Variants in SNCAIP observed in about 807,000 individuals in gnomAD.
The protein encoded by SNCAIP is synuclein alpha interacting protein.
A neutral mutation model predicts 86.7 loss-of-function variants in SNCAIP; 43 were observed. The ratio of observed to expected loss-of-function variants is 0.50; its 90% CI spans 0.39 to 0.64. SNCAIP has a LOEUF of 0.64. Among genes scored for constraint, SNCAIP ranks in the 30% least tolerant of loss-of-function variants. The pLI, the probability that SNCAIP is intolerant of heterozygous loss-of-function variation, is 0.00. For missense variants in SNCAIP, 981 were observed against 1,103.1 expected (o/e 0.89, Z 1.57); for synonymous variants, 417 against 427.2 (o/e 0.98, Z 0.29).
chr5:122,324,277 C>T (rs1265884833), intron 1 of SNCAIP, among the ~76,000 whole-genome samples: 1 of 152,146 alleles, frequency 6.6e-6, no homozygotes, highest in Admixed American at 6.5e-5. Flanking sequence ...TACATCCAAG[C>T]TTAGAACAAC....
chr5:122,428,954 T>C (rs1457924061), intron 5 of SNCAIP, among the ~76,000 whole-genome samples: 1 of 152,102 alleles, frequency 6.6e-6, no homozygotes, highest in African/African-American at 2.4e-5. Context: ...TAATAAGTTT[T>C]AAAGGATCGA....
intron 1 of SNCAIP, among the ~76,000 whole-genome samples, chr5:122,363,303 A>G (rs752443348): frequency 4.0e-5 from 6 of 151,884 alleles, no homozygotes; most frequent in African/African-American, 1.2e-4. Flanking sequence ...GCCTGCTTCT[A>G]TTTTTCTCAC....
intron 10 of SNCAIP, among the ~76,000 whole-genome samples, chr5:122,452,760 G>C (rs749023106): frequency 6.6e-6 from 1 of 152,146 alleles, no homozygotes; most frequent in African/African-American, 2.4e-5. Flanking sequence ...CTGCTGCTCA[G>C]TAGTAACAGA....
At chr5:122,324,349 G>A (rs927482578) in intron 1 of SNCAIP, among the ~76,000 whole-genome samples, 7 of 152,150 alleles carry the variant, frequency 4.6e-5, no homozygotes, top group South Asian at 2.1e-4. Context: ...TCCAGCATGC[G>A]TGCTCATGAC....
intron 7 of SNCAIP, 128 bp downstream of exon 7, chr5:122,440,882 A>ATTCC: frequency 1.2e-6 from 1 of 859,050 alleles, no homozygotes; most frequent in Non-Finnish European, 1.9e-6. Flanking sequence ...ACAATAAGGA[A>ATTCC]TTATTGCTCT....
intron 1 of SNCAIP, among the ~76,000 whole-genome samples, chr5:122,345,218 A>T (rs1306550469): frequency 1.3e-5 from 2 of 152,124 alleles, no homozygotes; most frequent in African/African-American, 4.8e-5. Flanking sequence ...GTTGTATCAA[A>T]TTTTTTGTTA....
intron 1 of SNCAIP, among the ~76,000 whole-genome samples, chr5:122,378,719 A>C (rs28821276): frequency 0.015 from 2,019 of 132,144 alleles, 177 homozygotes; most frequent in African/African-American, 0.055. Flanking sequence ...ATTTTTGTAT[A>C]AGGTGTAAGG....
intron 1 of SNCAIP, among the ~76,000 whole-genome samples, chr5:122,387,869 A>G (rs2152833673): frequency 6.6e-6 from 1 of 152,380 alleles, no homozygotes; most frequent in African/African-American, 2.4e-5. Context: ...AGGAAATTGT[A>G]TTTTGTTGCT....
At chr5:122,401,005 A>G (rs1288437543) in intron 2 of SNCAIP, 1 of 1,550,084 alleles carries the variant, frequency 6.5e-7, no homozygotes, top group African/African-American at 1.4e-5. Context: ...AGTCAAGGGA[A>G]CAGGCTACAA....
chr5:122,444,456 A>G, intron 7 of SNCAIP, 107 bp from the exon 8 acceptor site: 1 of 1,008,404 alleles, frequency 9.9e-7, no homozygotes, highest in South Asian at 1.3e-5. Context: ...TTGACTGCTG[A>G]AAGGTCCCTA....
Position 122,425,350 on chromosome 5 carries a change from A to G in SNCAIP, c.1003-2A>G, listed in dbSNP as rs1055227027. On this transcript the variant is annotated splice_acceptor_variant, in intron 4 of 10. Coordinates refer to ENST00000261368, the MANE Select transcript of SNCAIP (RefSeq NM_005460.4). LOFTEE classifies it high-confidence loss of function. ...GGTTTTCTAATCTTACTATTTATACAGCCACACCTAGCTGCAGACAATCTA... is the reference window on the plus strand; with the variant it reads ...GGTTTTCTAATCTTACTATTTATACGGCCACACCTAGCTGCAGACAATCTA... The G allele has an allele frequency of 1.9e-6, 3 of 1,612,122 alleles. No homozygotes were observed. In the Admixed American group the frequency reaches 5.0e-5, roughly 27 times the overall value.
intron 2 of SNCAIP, chr5:122,400,844 TG>T: frequency 1.1e-6 from 1 of 890,338 alleles, no homozygotes; most frequent in Non-Finnish European, 1.6e-6. Flanking sequence ...AAAAGAAGTC[TG>T]GAAAACAAAT....
chr5:122,344,266 T>G (rs569927770), intron 1 of SNCAIP, among the ~76,000 whole-genome samples: 2 of 152,334 alleles, frequency 1.3e-5, no homozygotes, highest in South Asian at 4.1e-4. Context: ...AATGAGTCAA[T>G]TATTTAGAGA....
chr5:122,338,301 GATGTAGATAT>G (rs1278898017), intron 1 of SNCAIP, among the ~76,000 whole-genome samples: 1 of 152,144 alleles, frequency 6.6e-6, no homozygotes, highest in Non-Finnish European at 1.5e-5. Flanking sequence ...CAGATAGAGG[GATGTAGATAT>G]ATGTAGATAA....
intron 1 of SNCAIP, among the ~76,000 whole-genome samples, chr5:122,386,849 A>T (rs562347479): frequency 6.6e-6 from 1 of 152,272 alleles, no homozygotes; most frequent in African/African-American, 2.4e-5. Context: ...AACACATAAC[A>T]TACCTGCCTA....
chr5:122,456,049 C>T (rs1425894414), intron 10 of SNCAIP, among the ~76,000 whole-genome samples: 1 of 152,212 alleles, frequency 6.6e-6, no homozygotes, highest in Non-Finnish European at 1.5e-5. Flanking sequence ...ATCTTTAGGG[C>T]ACAAAGTGAG....
At chr5:122,448,404 G>A (rs927296047) in intron 8 of SNCAIP, among the ~76,000 whole-genome samples, 2 of 151,588 alleles carry the variant, frequency 1.3e-5, no homozygotes, top group African/African-American at 4.9e-5. Flanking sequence ...GGGAAGCTGA[G>A]GAGGGAGCAT....
chr5:122,357,231 T>G (rs1580646334), intron 1 of SNCAIP, among the ~76,000 whole-genome samples: 1 of 152,128 alleles, frequency 6.6e-6, no homozygotes, highest in East Asian at 1.9e-4. Context: ...CTCTTTATTT[T>G]TATTTATTTA....
At chr5:122,374,476 G>A (rs1764885140) in intron 1 of SNCAIP, among the ~76,000 whole-genome samples, 1 of 152,110 alleles carries the variant, frequency 6.6e-6, no homozygotes, top group South Asian at 2.1e-4. Context: ...TTCTCCATAT[G>A]CTTAATGGCA....
Sources: gnomAD v4.1 joint callset for allele counts (sites outside exome capture counted in the v4.1 genomes callset) on GRCh38, gnomAD v4.1.1 for gene constraint, MANE v1.5 for transcripts, NCBI Gene and HGNC (gene_info 2026-07-23, HGNC 2026-07-21) for gene names.